The following USP9X variants were observed in gnomAD, a reference collection of about 807,000 sequenced individuals.
USP9X encodes the protein ubiquitin specific peptidase 9 X-linked, also known as ubiquitin carboxyl-terminal hydrolase 9X.
In USP9X, 7 loss-of-function variants were observed where a neutral mutation model predicts 190.3. That is an observed-to-expected ratio of 0.04 (90% CI 0.02 to 0.07). The LOEUF is 0.07. USP9X is among the 10% of genes least tolerant of loss of function. The pLI is 1.00. For synonymous variants in USP9X, 645 were observed against 659.5 expected, an observed-to-expected ratio of 0.98 and a Z score of 0.34; for missense variants, 1,010 against 1,916.9, an observed-to-expected ratio of 0.53 and a Z score of 8.83.
intron 3 of USP9X, among the ~76,000 whole-genome samples, chrX:41,130,939 T>C (rs766661651): frequency 5.8e-4 from 64 of 109,956 alleles, no homozygotes; most frequent in African/African-American, 2.0e-3. Context: ...TTGGCCAGGC[T>C]GGTCTCGAAC....
chrX:41,092,378 C>T, intron 1 of USP9X, among the ~76,000 whole-genome samples: 1 of 111,067 alleles, frequency 9.0e-6, no homozygotes, highest in Non-Finnish European at 1.9e-5. Flanking sequence ...TAAGTAAGGC[C>T]GCTCATTATT....
Position 41,162,742 on chromosome X carries a change from A to G in USP9X, c.1898-48A>G, listed in dbSNP as rs747315439. ...TTCTTTGGTTGAAGTCAAAGCAGTGATTTGGGTTATCCATGTGTATAATGC... is the reference window on the plus strand; with the variant it reads ...TTCTTTGGTTGAAGTCAAAGCAGTGGTTTGGGTTATCCATGTGTATAATGC... On this transcript the variant is annotated intron_variant, in intron 14 of 44. Transcript: ENST00000378308. The G allele has an allele frequency of 6.8e-6, 7 of 1,036,977 alleles. No individual in the cohort carries two copies. The South Asian group carries it at 1.8e-4, about 26-fold the overall frequency. The allele number at this position is 1,036,977 out of a possible 1,213,427, so 85.5% of individuals were successfully genotyped here. A position where few individuals can be genotyped will look rare whatever the true frequency, so the allele number is the denominator to read the frequency against.
chrX:41,230,816 CCTT>C (rs771994151), intron 44 of USP9X, among the ~76,000 whole-genome samples: 14 of 111,346 alleles, frequency 1.3e-4, no homozygotes, highest in East Asian at 5.6e-4. Flanking sequence ...AAGAAGGTGT[CCTT>C]CTTGTGCTAG....
chrX:41,115,242 G>GAAA (rs56830972), intron 1 of USP9X, among the ~76,000 whole-genome samples: 15 of 75,327 alleles, frequency 2.0e-4, no homozygotes, highest in Non-Finnish European at 3.7e-4. Context: ...AAAAGAAAAA[G>GAAA]AAAAAAAAAA....
Position 41,208,349 on chromosome X carries a change from G to A in USP9X, c.5016-2160G>A, listed in dbSNP as rs753826816. Among the ~76,000 whole-genome samples the A allele has an allele frequency of 2.6e-4, 29 of 112,054 alleles. No homozygotes were observed. The South Asian group carries it at 9.5e-3, about 37-fold the overall frequency. On this transcript the variant is annotated intron_variant, in intron 32 of 44. Transcript: ENST00000378308. ...TGAGGCTTACACTTTTTAAACTTTC[G>A]TCTTGTCATTCAGTTACAATTTTTT... is the stretch of plus-strand genomic sequence containing the variant.
intron 41 of USP9X, among the ~76,000 whole-genome samples, chrX:41,227,256 A>G (rs1195798044): frequency 8.9e-6 from 1 of 112,164 alleles, no homozygotes; most frequent in Admixed American, 9.5e-5. Flanking sequence ...TGAAGATAGT[A>G]TTAATAAAAA....
chrX:41,196,220 T>G (rs780918446), intron 26 of USP9X, 31 bp from the exon 27 acceptor site: 1 of 1,187,548 alleles, frequency 8.4e-7, no homozygotes, highest in East Asian at 3.0e-5. Flanking sequence ...ATGGAAATAA[T>G]GTATTAAATG....
At chrX:41,097,745 C>T (rs1193401779) in intron 1 of USP9X, among the ~76,000 whole-genome samples, 3 of 111,517 alleles carry the variant, frequency 2.7e-5, no homozygotes, top group African/African-American at 6.5e-5. Context: ...CAATCTATTG[C>T]GATATAATAC....
chrX:41,170,954 A>G (rs1476094974), intron 20 of USP9X, among the ~76,000 whole-genome samples: 4 of 111,771 alleles, frequency 3.6e-5, no homozygotes, highest in African/African-American at 1.3e-4. Context: ...ACCTCTGCAT[A>G]TACCCAAAAT....
At position 41,205,633 on chromosome X, in the gene USP9X, G is replaced by GT. The variant is rs372217330; in HGVS notation, c.5015+157dup. 0.069 allele frequency: 22,150 copies of GT among 320,830 alleles called. 46 individuals are homozygous for GT. The highest frequency in any genetic ancestry group is 0.079 in the Non-Finnish European group (16,481 of 208,603). The allele number at this position is 320,830 out of a possible 1,213,427, so 26.4% of individuals were successfully genotyped here. On this transcript the variant is annotated intron_variant, in intron 32 of 44. Transcript: ENST00000378308. ...ATTCAAACTGTCCTTAATTGGGTGGGTTTTTTTTTTTTTTTTTAGGTCCCC... is the reference window on the plus strand; with the variant it reads ...ATTCAAACTGTCCTTAATTGGGTGGGTTTTTTTTTTTTTTTTTTAGGTCCCC...
intron 1 of USP9X, among the ~76,000 whole-genome samples, chrX:41,109,447 T>A (rs1040021611): frequency 1.8e-5 from 2 of 112,010 alleles, no homozygotes; most frequent in Non-Finnish European, 3.8e-5. Context: ...TGGAGGAGGT[T>A]TGAATAAGGG....
At chrX:41,137,121 C>T (rs1277919824) in intron 6 of USP9X, 99 bp downstream of exon 6, 2 of 818,824 alleles carry the variant, frequency 2.4e-6, no homozygotes, top group African/African-American at 4.2e-5. Context: ...AATGAAATAA[C>T]ACTTTAAATG....
At chrX:41,198,808 C>T (rs1188704055) in intron 30 of USP9X, 58 bp downstream of exon 30, 1 of 1,034,496 alleles carries the variant, frequency 9.7e-7, no homozygotes, top group Admixed American at 3.0e-5. Flanking sequence ...AAGTTGTTTT[C>T]CTGTTTTTCT....
At chrX:41,212,769 T>C (rs1252590376) in intron 33 of USP9X, among the ~76,000 whole-genome samples, 2 of 111,426 alleles carry the variant, frequency 1.8e-5, no homozygotes, top group African/African-American at 3.3e-5. Context: ...TGGGGGTGTT[T>C]TGTTTTTGAT....
At chrX:41,087,550 C>T (rs2061922872) in intron 1 of USP9X, among the ~76,000 whole-genome samples, 1 of 112,639 alleles carries the variant, frequency 8.9e-6, no homozygotes, top group Admixed American at 9.4e-5. Flanking sequence ...CATTCGTTTT[C>T]TCAATTTTTA....
At chrX:41,230,079 T>C (rs1425580031) in intron 43 of USP9X, among the ~76,000 whole-genome samples, 1 of 111,260 alleles carries the variant, frequency 9.0e-6, no homozygotes, top group Non-Finnish European at 1.9e-5. Context: ...CAGGCGCCTG[T>C]AATCTCAGCT....
At chrX:41,195,720 G>A (rs1434345777) in intron 26 of USP9X, among the ~76,000 whole-genome samples, 1 of 111,913 alleles carries the variant, frequency 8.9e-6, no homozygotes, top group Admixed American at 9.5e-5. Flanking sequence ...TAGGGTTTGC[G>A]CTCCTATGAG....
At chrX:41,096,298 TACAA>T (rs1173586371) in intron 1 of USP9X, among the ~76,000 whole-genome samples, 1 of 112,955 alleles carries the variant, frequency 8.9e-6, no homozygotes, top group Non-Finnish European at 1.9e-5. Context: ...TACTTTGATA[TACAA>T]ACATAGGTGA....
chrX:41,164,999 T>A (rs1163245350), intron 15 of USP9X, among the ~76,000 whole-genome samples: 1 of 111,996 alleles, frequency 8.9e-6, no homozygotes, highest in Non-Finnish European at 1.9e-5. Flanking sequence ...GATTTTCATT[T>A]GAAGAAGGGT....
Sources: gnomAD v4.1 joint callset for allele counts (sites outside exome capture counted in the v4.1 genomes callset) on GRCh38, gnomAD v4.1.1 for gene constraint, MANE v1.5 for transcripts, NCBI Gene and HGNC (gene_info 2026-07-23, HGNC 2026-07-21) for gene names.